The following POC1B variants were observed in gnomAD, a reference collection of about 807,000 sequenced individuals.
POC1B encodes POC1 centriolar protein homolog B.
In POC1B, 44 loss-of-function variants were observed where a neutral mutation model predicts 60.6. The ratio of observed to expected loss-of-function variants is 0.73; its 90% CI spans 0.57 to 0.93. The LOEUF (loss-of-function observed/expected upper bound fraction) is 0.93, where lower values mean the gene tolerates loss of function less well. Among genes scored for constraint, POC1B ranks in the 40% least tolerant of loss-of-function variants. The probability of loss-of-function intolerance (pLI) is 0.00; values close to 1 mark genes in which losing one functional copy is unlikely to be tolerated. For missense variants in POC1B, 555 were observed against 572.3 expected, an observed-to-expected ratio of 0.97 and a Z score of 0.31; for synonymous variants, 180 against 198.9, an observed-to-expected ratio of 0.90 and a Z score of 0.80.
At chr12:89,496,444 A>C (rs1484390403) in intron 3 of POC1B, among the ~76,000 whole-genome samples, 1 of 151,914 alleles carries the variant, frequency 6.6e-6, no homozygotes, top group East Asian at 1.9e-4. Context: ...GGTGTAGATG[A>C]AACAAGATGG....
intron 9 of POC1B, chr12:89,460,888 A>C (rs1882459442): frequency 6.6e-6 from 1 of 152,226 alleles, no homozygotes; most frequent in South Asian, 2.1e-4. Context: ...ATTTGAAAAG[A>C]CATAAAAATT....
intron 2 of POC1B, chr12:89,524,874 G>A: frequency 1.5e-6 from 1 of 648,370 alleles, no homozygotes; most frequent in East Asian, 2.8e-5. Context: ...TGGTTAGTTT[G>A]CGAAAGTCGT....
intron 9 of POC1B, among the ~76,000 whole-genome samples, chr12:89,462,062 C>T (rs889475322): frequency 6.6e-6 from 1 of 151,970 alleles, no homozygotes; most frequent in African/African-American, 2.4e-5. Context: ...AGAGTCAGCA[C>T]CTGTCATTAA....
At chr12:89,488,158 TACAACG>T (rs1406824957) in intron 4 of POC1B, among the ~76,000 whole-genome samples, 1 of 151,726 alleles carries the variant, frequency 6.6e-6, no homozygotes, top group Non-Finnish European at 1.5e-5. Flanking sequence ...GATGATTCAA[TACAACG>T]ACAACGAATA....
chr12:89,486,277 C>A (rs958102797), intron 4 of POC1B, among the ~76,000 whole-genome samples: 31 of 152,248 alleles, frequency 2.0e-4, no homozygotes, highest in African/African-American at 6.0e-4. Context: ...GATAAACAGA[C>A]CTCATAAGAA....
chr12:89,411,700 C>T, the POC1B span, among the ~76,000 whole-genome samples: 1 of 152,200 alleles, frequency 6.6e-6, no homozygotes, highest in Non-Finnish European at 1.5e-5. Flanking sequence ...CATCTTTAAT[C>T]TCTCCTTTTC....
intron 10 of POC1B, among the ~76,000 whole-genome samples, chr12:89,429,667 G>A (rs1880946315): frequency 1.3e-5 from 2 of 152,170 alleles, no homozygotes; most frequent in South Asian, 4.1e-4. Flanking sequence ...CTGTTGCGAT[G>A]AGAGAATTCA....
At chr12:89,482,217 C>T (rs1297193671) in intron 4 of POC1B, among the ~76,000 whole-genome samples, 2 of 152,060 alleles carry the variant, frequency 1.3e-5, no homozygotes, top group African/African-American at 2.4e-5. Flanking sequence ...GAAATGGATA[C>T]AGTTAATTGG....
chr12:89,422,347 T>C (rs1880576336), intron 11 of POC1B, among the ~76,000 whole-genome samples: 1 of 152,238 alleles, frequency 6.6e-6, no homozygotes, highest in African/African-American at 2.4e-5. Flanking sequence ...ATGTCAAGAA[T>C]TAATGTGTCA....
At chr12:89,492,392 A>C (rs558909556) in intron 3 of POC1B, among the ~76,000 whole-genome samples, 1 of 152,252 alleles carries the variant, frequency 6.6e-6, no homozygotes, top group East Asian at 1.9e-4. Flanking sequence ...AGAAGTAGAA[A>C]ACCTTAAAAT....
At chr12:89,471,528 A>G in intron 6 of POC1B, 86 bp downstream of exon 6, 1 of 1,096,142 alleles carries the variant, frequency 9.1e-7, no homozygotes, top group Admixed American at 1.9e-5. Flanking sequence ...CCCAAGTAAG[A>G]CAGCCAAACC....
intron 4 of POC1B, among the ~76,000 whole-genome samples, chr12:89,487,931 A>G (rs1868726759): frequency 1.1e-5 from 1 of 89,198 alleles, no homozygotes; most frequent in Non-Finnish European, 2.4e-5. Flanking sequence ...ACACCATTTT[A>G]TAACTATTTA....
intron 2 of POC1B, chr12:89,501,381 G>A: frequency 9.8e-7 from 1 of 1,025,318 alleles, no homozygotes; most frequent in South Asian, 1.3e-5. Context: ...GAAAATTTAT[G>A]GCTAAACCAG....
intron 2 of POC1B, chr12:89,520,786 C>T (rs1870784609): frequency 6.6e-6 from 1 of 152,186 alleles, no homozygotes; most frequent in Admixed American, 6.5e-5. Flanking sequence ...ACAGTGGACT[C>T]TTTACGAGGC....
intron 4 of POC1B, among the ~76,000 whole-genome samples, chr12:89,476,213 G>A (rs774617316): frequency 6.6e-6 from 1 of 152,046 alleles, no homozygotes; most frequent in Non-Finnish European, 1.5e-5. Context: ...AGCCCAGAAT[G>A]AGGAAATTCT....
the POC1B span, among the ~76,000 whole-genome samples, chr12:89,401,580 G>C: frequency 6.6e-6 from 1 of 151,618 alleles, no homozygotes; most frequent in Admixed American, 6.6e-5. Context: ...GAGCACACTG[G>C]TTACTGTTCA....
At chr12:89,514,979 C>G (rs986272337) in intron 2 of POC1B, among the ~76,000 whole-genome samples, 1 of 152,124 alleles carries the variant, frequency 6.6e-6, no homozygotes, top group Non-Finnish European at 1.5e-5. Flanking sequence ...CTCTTGTATT[C>G]ACATCCTCCT....
chr12:89,457,662 A>G (rs1882312950), intron 10 of POC1B, among the ~76,000 whole-genome samples: 1 of 152,184 alleles, frequency 6.6e-6, no homozygotes, highest in Admixed American at 6.5e-5. Context: ...TCTTCCTTTT[A>G]ATGCGTATAT....
At chr12:89,509,719 T>G (rs1870083493) in intron 2 of POC1B, among the ~76,000 whole-genome samples, 1 of 152,208 alleles carries the variant, frequency 6.6e-6, no homozygotes, top group African/African-American at 2.4e-5. Flanking sequence ...TGACTCTCTT[T>G]TCCCACAATA....
Sources: gnomAD v4.1 joint callset for allele counts (sites outside exome capture counted in the v4.1 genomes callset) on GRCh38, gnomAD v4.1.1 for gene constraint, MANE v1.5 for transcripts, NCBI Gene and HGNC (gene_info 2026-07-23, HGNC 2026-07-21) for gene names.